Variants in GPR107 observed in about 807,000 individuals in gnomAD.
GPR107 encodes protein GPR107.
In GPR107, 31 loss-of-function variants were observed where a neutral mutation model predicts 75.5. The ratio of observed to expected loss-of-function variants is 0.41; its 90% CI spans 0.31 to 0.55. The LOEUF (loss-of-function observed/expected upper bound fraction) is 0.55. Ranked by LOEUF, GPR107 falls within the 20% of genes least tolerant of loss-of-function variation. The pLI, the probability that GPR107 is intolerant of heterozygous loss-of-function variation, is 0.26. For synonymous variants in GPR107, 267 were observed against 251.3 expected (o/e 1.06, Z -0.59); for missense variants, 572 against 665.7 (o/e 0.86, Z 1.55).
chr9:130,076,348 T>C (rs1194832808), intron 2 of GPR107, 64 bp from the exon 3 acceptor site: 4 of 1,026,884 alleles, frequency 3.9e-6, no homozygotes, highest in Non-Finnish European at 6.2e-6. Context: ...TTTCTGCTTT[T>C]TGAGTAAGAA....
chr9:130,055,946 C>CAAAT (rs143338115), intron 1 of GPR107, among the ~76,000 whole-genome samples: 12,677 of 151,022 alleles, frequency 0.084, 593 homozygotes, highest in Admixed American at 0.14. Context: ...TACTCTGTCT[C>CAAAT]AAATAAATAA....
intron 1 of GPR107, among the ~76,000 whole-genome samples, chr9:130,063,460 G>A (rs111996955): frequency 1.0e-3 from 154 of 152,256 alleles, no homozygotes; most frequent in Non-Finnish European, 1.9e-3. Flanking sequence ...AAAGTGCTGG[G>A]ATTACAGGCA....
chr9:130,104,332 G>C, intron 12 of GPR107, 88 bp from the exon 13 acceptor site: 16 of 1,213,134 alleles, frequency 1.3e-5, no homozygotes, highest in Non-Finnish European at 1.9e-5. Context: ...TGGGTCTGGA[G>C]GCCAAGGTGT....
Position 130,057,259 on chromosome 9 carries a change from G to A in GPR107, c.141+3186G>A, listed in dbSNP as rs1040134436. Among the ~76,000 whole-genome samples, 11 of 152,058 alleles carry A rather than the reference G, an allele frequency of 7.2e-5. No homozygotes were observed. The East Asian group carries it at 1.5e-3, about 21-fold the overall frequency. On this transcript the variant is annotated intron_variant, in intron 1 of 17. Coordinates refer to ENST00000347136, the MANE Select transcript of GPR107 (RefSeq NM_020960.5). ...GTAATCTCAGCACTTAGGGAAGCTC[G>A]TTTGAGGTCAAGAGTTGGAGGCTGC... is the stretch of plus-strand genomic sequence containing the variant.
chr9:130,085,055 T>C (rs1040600634), intron 6 of GPR107, among the ~76,000 whole-genome samples: 15 of 152,110 alleles, frequency 9.9e-5, no homozygotes, highest in African/African-American at 3.1e-4. Flanking sequence ...TTAGATAATA[T>C]AGGGCCAAGC....
chr9:130,109,771 A>G (rs1462440177), intron 14 of GPR107, among the ~76,000 whole-genome samples: 1 of 150,706 alleles, frequency 6.6e-6, no homozygotes, highest in African/African-American at 2.5e-5. Flanking sequence ...GGGTTCCACT[A>G]TGTTGGCCAG....
At chr9:130,099,273 C>A (rs1830954248) in intron 9 of GPR107, among the ~76,000 whole-genome samples, 184 bp from the exon 10 acceptor site, 1 of 152,128 alleles carries the variant, frequency 6.6e-6, no homozygotes, top group East Asian at 1.9e-4. Flanking sequence ...CGTGATGACA[C>A]CACTGTCCTC....
chr9:130,061,522 T>G (rs1829925460), intron 1 of GPR107, among the ~76,000 whole-genome samples: 1 of 152,128 alleles, frequency 6.6e-6, no homozygotes, highest in Non-Finnish European at 1.5e-5. Context: ...GAGGTACACA[T>G]GAGCCTGGAG....
chr9:130,054,680 A>AT (rs1217230875), intron 1 of GPR107, among the ~76,000 whole-genome samples: 5 of 152,132 alleles, frequency 3.3e-5, no homozygotes, highest in African/African-American at 9.7e-5. Context: ...GGGAAGAGAG[A>AT]TTTTTGATAA....
intron 1 of GPR107, among the ~76,000 whole-genome samples, chr9:130,072,749 C>A (rs954784684): frequency 6.6e-6 from 1 of 151,370 alleles, no homozygotes; most frequent in Non-Finnish European, 1.5e-5. Flanking sequence ...AGGTTGCAAT[C>A]GAAACATTTT....
At position 130,135,243 on chromosome 9, in the gene GPR107, CA is replaced by C. The variant is rs1554899776; in HGVS notation, c.*123del. 1.7e-6 allele frequency: 1 copy of C among 593,552 alleles called. No individual in the cohort carries two copies. The highest frequency in any genetic ancestry group is 2.9e-5 in the East Asian group (1 of 34,658). The allele number at this position is 593,552 out of a possible 1,614,324, so 36.8% of individuals were successfully genotyped here. ...CACCACCGACAGTGACACCAGGGCA[CA>C]TGGCTGGAGCACAGTGCCGCGGAAA... On this transcript the variant is annotated 3_prime_UTR_variant, in exon 18 of 18. Coordinates refer to ENST00000347136, the MANE Select transcript of GPR107 (RefSeq NM_020960.5).
intron 14 of GPR107, among the ~76,000 whole-genome samples, chr9:130,117,898 A>G (rs1173682380): frequency 6.6e-6 from 1 of 152,126 alleles, no homozygotes; most frequent in Non-Finnish European, 1.5e-5. Context: ...TAAACTCCTT[A>G]GAAAGGATTA....
chr9:130,114,051 A>ATTTTTTTT (rs35152076), intron 14 of GPR107, among the ~76,000 whole-genome samples: 122 of 81,044 alleles, frequency 1.5e-3, no homozygotes, highest in Non-Finnish European at 1.7e-3. Context: ...TTTTTTTTTC[A>ATTTTTTTT]TTTTTTTTTT....
intron 9 of GPR107, among the ~76,000 whole-genome samples, chr9:130,097,522 G>A (rs1177037277): frequency 6.6e-6 from 1 of 151,986 alleles, no homozygotes; most frequent in South Asian, 2.1e-4. Flanking sequence ...GTCTACCAGT[G>A]GTGCATACAT....
intron 4 of GPR107, among the ~76,000 whole-genome samples, chr9:130,078,026 G>A (rs1195630777): frequency 2.0e-5 from 3 of 152,112 alleles, no homozygotes; most frequent in Admixed American, 1.3e-4. Context: ...TTAGCCGGGC[G>A]TGGTGGTGGG....
At chr9:130,130,982 T>C (rs1201064242) in intron 17 of GPR107, among the ~76,000 whole-genome samples, 2 of 152,126 alleles carry the variant, frequency 1.3e-5, no homozygotes, top group African/African-American at 4.8e-5. Flanking sequence ...TTGGCACTTT[T>C]GGTTGCAAAC....
intron 1 of GPR107, among the ~76,000 whole-genome samples, chr9:130,059,017 G>A (rs1829865019): frequency 2.0e-5 from 3 of 152,146 alleles, no homozygotes. Flanking sequence ...ATTTCTCTTG[G>A]ATGATATCCA....
chr9:130,074,740 C>T (rs559840702), intron 1 of GPR107, among the ~76,000 whole-genome samples: 1 of 152,222 alleles, frequency 6.6e-6, no homozygotes, highest in South Asian at 2.1e-4. Context: ...TACTGTATCA[C>T]TTTTAGGTGA....
At chr9:130,101,272 A>C in intron 12 of GPR107, 49 bp downstream of exon 12, 1 of 991,556 alleles carries the variant, frequency 1.0e-6, no homozygotes, top group Non-Finnish European at 1.6e-6. Context: ...GGCGCTTAGC[A>C]GGGCTCAGCT....
Sources: allele counts gnomAD v4.1 joint callset (sites outside exome capture counted in the v4.1 genomes callset), GRCh38; gene constraint gnomAD v4.1.1; transcripts MANE v1.5; gene names NCBI Gene and HGNC (gene_info 2026-07-23, HGNC 2026-07-21).